Variants in WAPL observed in about 807,000 individuals in gnomAD.
WAPL encodes WAPL cohesin release factor.
WAPL carries 5 observed loss-of-function variants against 121.0 expected under a neutral mutation model. The observed-to-expected ratio is 0.04, with a 90% CI of 0.02 to 0.09. The LOEUF is 0.09. Among genes scored for constraint, WAPL ranks in the 10% least tolerant of loss-of-function variants. The pLI is 1.00. For synonymous variants in WAPL, 480 were observed against 481.5 expected (o/e 1.00, Z 0.04); for missense variants, 999 against 1,410.8 (o/e 0.71, Z 4.68).
chr10:86,509,749 G>C (rs118033341), intron 2 of WAPL, among the ~76,000 whole-genome samples: 2,665 of 145,352 alleles, frequency 0.018, 33 homozygotes, highest in Non-Finnish European at 0.029. Context: ...GGTATCATCT[G>C]GCTCGAAGCT....
rs779946444 is a variant in WAPL at position 86,498,406 on chromosome 10, T to C, written c.1526-1087A>G. Reference sequence around the variant, plus strand: ...CTGGATGTATTTCTTTTTTCTTTTTTTTCGGGGGAGGCAGGGGTGAGCCCC... The same window carrying C: ...CTGGATGTATTTCTTTTTTCTTTTTCTTCGGGGGAGGCAGGGGTGAGCCCC... On this transcript the variant is annotated intron_variant, in intron 3 of 18. Transcript: ENST00000298767. Among the ~76,000 whole-genome samples the C allele has an allele frequency of 3.9e-5, 6 of 152,282 alleles. No homozygotes were observed. In the Middle Eastern group the frequency reaches 0.01, roughly 259 times the overall value.
chr10:86,436,003 T>G lies in WAPL; in HGVS notation c.*1540A>C, dbSNP rs1235459367. On this transcript the variant is annotated 3_prime_UTR_variant, in exon 19 of 19. Transcript: ENST00000298767. ...ACGTTACACTGGCGTACTATGTTCT[T>G]AAAAGGTGATGGGTAGGGGTTGGGG... The G allele has an allele frequency of 2.6e-5, 4 of 152,470 alleles. No individual in the cohort carries two copies. Among genetic ancestry groups the G allele is most frequent in the Non-Finnish European group, 4.4e-5 (3 of 68,008 alleles). The allele number at this position is 152,470 out of a possible 1,614,324, so 9.4% of individuals were successfully genotyped here.
chr10:86,495,426 C>T (rs1013931945), intron 4 of WAPL, among the ~76,000 whole-genome samples: 13 of 152,088 alleles, frequency 8.5e-5, no homozygotes, highest in African/African-American at 3.1e-4. Context: ...GGGATCACAC[C>T]ACTGCATTCC....
chr10:86,459,603 G>GT (rs1230367862), intron 11 of WAPL, among the ~76,000 whole-genome samples: 4 of 152,158 alleles, frequency 2.6e-5, no homozygotes, highest in African/African-American at 9.7e-5. Flanking sequence ...TAAGTCTTTC[G>GT]TAAGAGTCAA....
At chr10:86,437,797 C>A in intron 18 of WAPL, 123 bp downstream of exon 18, 1 of 972,750 alleles carries the variant, frequency 1.0e-6, no homozygotes, top group Non-Finnish European at 1.5e-6. Context: ...AAATAGAACA[C>A]GATTATTAAA....
intron 3 of WAPL, among the ~76,000 whole-genome samples, chr10:86,497,651 A>G (rs561890977): frequency 6.6e-6 from 1 of 152,326 alleles, no homozygotes; most frequent in Admixed American, 6.5e-5. Flanking sequence ...ATCCATGGAT[A>G]CTGACACTGG....
At chr10:86,453,622 C>G in intron 13 of WAPL, 34 bp downstream of exon 13, 1 of 1,577,068 alleles carries the variant, frequency 6.3e-7, no homozygotes, top group Non-Finnish European at 8.6e-7. Flanking sequence ...CAATATACAT[C>G]TTTCAATGAG....
intron 12 of WAPL, among the ~76,000 whole-genome samples, chr10:86,455,387 C>G (rs1411467254): frequency 6.6e-6 from 1 of 152,132 alleles, no homozygotes; most frequent in Non-Finnish European, 1.5e-5. Flanking sequence ...TTACCCCCAA[C>G]CCCGTGCTCT....
intron 4 of WAPL, among the ~76,000 whole-genome samples, chr10:86,476,919 G>T (rs558269612): frequency 6.6e-6 from 1 of 152,206 alleles, no homozygotes; most frequent in South Asian, 2.1e-4. Context: ...ATATTAAAAG[G>T]TCATATTAAA....
At chr10:86,448,215 T>C (rs1038998380) in intron 15 of WAPL, among the ~76,000 whole-genome samples, 4 of 152,186 alleles carry the variant, frequency 2.6e-5, no homozygotes, top group African/African-American at 9.7e-5. Flanking sequence ...TGGTGGCTCA[T>C]GCCTGTGATC....
chr10:86,486,160 T>C (rs1036450471), intron 4 of WAPL, among the ~76,000 whole-genome samples: 3 of 152,238 alleles, frequency 2.0e-5, no homozygotes, highest in Non-Finnish European at 4.4e-5. Flanking sequence ...CAATACCACA[T>C]GATGACTGGA....
At chr10:86,501,746 G>A (rs1367003134) in intron 2 of WAPL, among the ~76,000 whole-genome samples, 1 of 152,156 alleles carries the variant, frequency 6.6e-6, no homozygotes, top group Non-Finnish European at 1.5e-5. Flanking sequence ...TGTGATCACA[G>A]CTCACTGCAG....
chr10:86,491,145 T>C (rs1842038909), intron 4 of WAPL, among the ~76,000 whole-genome samples: 1 of 147,372 alleles, frequency 6.8e-6, no homozygotes. Context: ...TCTTTTTTTT[T>C]TTTTTTTTTT....
At position 86,446,251 on chromosome 10, in the gene WAPL, G is replaced by A. The variant is rs747055054; in HGVS notation, c.3313C>T (p.Leu1105Phe). ...TTCAAAGTAAATATACCTTTATTGA[G>A]GTCAAGTTCTTCATCCTCCTCCTCC... ...KKEEEDEELD[L>F]NKALQHAGKH... The change falls in exon 16 of 19, where the codon CTC becomes TTC. Residue 1105 changes from leucine to phenylalanine, a missense_variant. By Grantham distance (22) the Leu-to-Phe change is conservative. Transcript: ENST00000298767. The A allele has an allele frequency of 6.2e-7, 1 of 1,614,018 alleles. No homozygotes were observed.
chr10:86,512,214 T>A (rs757640286), intron 2 of WAPL, among the ~76,000 whole-genome samples: 12 of 152,214 alleles, frequency 7.9e-5, no homozygotes, highest in Non-Finnish European at 1.6e-4. Flanking sequence ...CAGTTCTAAA[T>A]CCAAGTTCAA....
At chr10:86,479,743 T>G (rs12267240) in intron 4 of WAPL, among the ~76,000 whole-genome samples, 1 of 152,134 alleles carries the variant, frequency 6.6e-6, no homozygotes, top group Non-Finnish European at 1.5e-5. Context: ...AAATGAACTC[T>G]GAAGAAGTAC....
At chr10:86,487,112 A>G (rs1841944305) in intron 4 of WAPL, among the ~76,000 whole-genome samples, 1 of 152,072 alleles carries the variant, frequency 6.6e-6, no homozygotes, top group Admixed American at 6.5e-5. Flanking sequence ...CAAGCACTGA[A>G]AACCTGTACA....
intron 4 of WAPL, among the ~76,000 whole-genome samples, chr10:86,480,279 C>A (rs1841753268): frequency 6.6e-6 from 1 of 152,134 alleles, no homozygotes; most frequent in Non-Finnish European, 1.5e-5. Flanking sequence ...TCATGAAGAA[C>A]AATGCACACC....
rs1428276105 is a variant in WAPL, at chr10:86,472,512, T to G, written c.1893+100A>C. ...ACAAAAGAAGTTTGTGGTTCAAAACTGAGTATCAGTATACTGATATTTGTT... is the reference window on the plus strand; with the variant it reads ...ACAAAAGAAGTTTGTGGTTCAAAACGGAGTATCAGTATACTGATATTTGTT... On this transcript the variant is annotated intron_variant, in intron 6 of 18. Transcript: ENST00000298767. This position sits in a 1 kb window ranked among gnomAD's most constrained non-coding sequence, Gnocchi z 4.2. 1.3e-6 allele frequency: 2 copies of G among 1,519,720 alleles called. No individual in the cohort carries two copies. The highest frequency in any genetic ancestry group is 1.8e-6 in the Non-Finnish European group (2 of 1,128,928). 94.1% of individuals were successfully genotyped at this position (1,519,720 alleles called of 1,614,324 possible). A position where few individuals can be genotyped will look rare whatever the true frequency, so the allele number is the denominator to read the frequency against.
Sources: gnomAD v4.1 joint callset for allele counts (sites outside exome capture counted in the v4.1 genomes callset) on GRCh38, gnomAD v4.1.1 for gene constraint, Gnocchi (gnomAD v3.1) non-coding constraint, MANE v1.5 for transcripts, NCBI Gene and HGNC (gene_info 2026-07-23, HGNC 2026-07-21) for gene names.